Variants in PLEKHH1 observed in about 807,000 individuals in gnomAD.
PLEKHH1 encodes the protein pleckstrin homology domain-containing family H member 1.
Under a neutral mutation model 160.0 loss-of-function variants are expected in PLEKHH1, and 104 were observed. The observed-to-expected ratio is 0.65, with a 90% CI of 0.55 to 0.76. The LOEUF (loss-of-function observed/expected upper bound fraction) is 0.76. Among genes scored for constraint, PLEKHH1 ranks in the 30% least tolerant of loss-of-function variants. The pLI, the probability that PLEKHH1 is intolerant of heterozygous loss-of-function variation, is 0.00. For missense variants in PLEKHH1, 1,427 were observed against 1,724.1 expected (o/e 0.83, Z 3.05); for synonymous variants, 619 against 678.4 (o/e 0.91, Z 1.36).
In PLEKHH1 at chr14:67,573,204, C is replaced by G; in HGVS notation, c.1729-72C>G. ...ACCGAGTAGTGAGGCAGCTGGACCA[C>G]TTGGACCTGTGTGATGTCTAGGAGC... On this transcript the variant is annotated intron_variant, in intron 11 of 28. Transcript: ENST00000329153. This position sits in a 1 kb window ranked among gnomAD's most constrained non-coding sequence, Gnocchi z 4.8. 2 of 929,868 alleles carry G rather than the reference C, an allele frequency of 2.2e-6. No homozygotes were observed. The highest frequency in any genetic ancestry group is 4.8e-5 in the East Asian group (2 of 41,672). 57.6% of individuals were successfully genotyped at this position (929,868 alleles called of 1,614,324 possible).
rs938250621 is a variant in PLEKHH1, at chr14:67,575,326, G to C, written c.2089-66G>C. 4.3e-6 allele frequency: 4 copies of C among 940,876 alleles called. No homozygotes were observed. In the African/African-American group the frequency reaches 6.6e-5, roughly 15 times the overall value. The allele number at this position is 940,876 out of a possible 1,614,324, so 58.3% of individuals were successfully genotyped here. ...ATCTGTCTCCCTGTGGCTTCTATTTGCCAGTCCTGGATTTACTTCTAGAGT... is the reference window on the plus strand; with the variant it reads ...ATCTGTCTCCCTGTGGCTTCTATTTCCCAGTCCTGGATTTACTTCTAGAGT... On this transcript the variant is annotated intron_variant, in intron 14 of 28. Transcript: ENST00000329153.
chr14:67,575,695 T>C (rs1380485176), intron 15 of PLEKHH1, 128 bp from the exon 16 acceptor site: 4 of 770,216 alleles, frequency 5.2e-6, no homozygotes, highest in East Asian at 5.4e-5. Flanking sequence ...TGCTATAGTC[T>C]CCACCTCCCC....
chr14:67,585,147 GT>G (rs1338405926), intron 26 of PLEKHH1: 1 of 163,138 alleles, frequency 6.1e-6, no homozygotes, highest in African/African-American at 2.4e-5. Context: ...ATTGGCTGAA[GT>G]CAGAAGCACT....
intron 7 of PLEKHH1, among the ~76,000 whole-genome samples, chr14:67,565,678 T>C (rs979847452): frequency 2.6e-5 from 4 of 152,132 alleles, no homozygotes; most frequent in Non-Finnish European, 5.9e-5. Flanking sequence ...TGTGTAGCAG[T>C]ACCATGGGGG....
chr14:67,533,978 G>A (rs1192575262), intron 1 of PLEKHH1, among the ~76,000 whole-genome samples: 1 of 152,018 alleles, frequency 6.6e-6, no homozygotes, highest in Non-Finnish European at 1.5e-5. Context: ...TCATCTGGAA[G>A]GAAACTCCTC....
chr14:67,559,159 T>G (rs573045679), intron 4 of PLEKHH1, among the ~76,000 whole-genome samples: 1 of 152,372 alleles, frequency 6.6e-6, no homozygotes. Context: ...TTTGACTACT[T>G]TGATGGAAAT....
At chr14:67,563,467 C>T (rs1296968180) in intron 7 of PLEKHH1, among the ~76,000 whole-genome samples, 1 of 152,018 alleles carries the variant, frequency 6.6e-6, no homozygotes, top group African/African-American at 2.4e-5. Flanking sequence ...GAGTTTCACT[C>T]TTACTGCCCA....
intron 1 of PLEKHH1, among the ~76,000 whole-genome samples, chr14:67,536,326 C>T (rs1288644404): frequency 1.3e-5 from 2 of 151,820 alleles, no homozygotes; most frequent in African/African-American, 4.9e-5. Flanking sequence ...TCCCCAGAAA[C>T]GGGACACAAA....
At position 67,562,261 on chromosome 14, in the gene PLEKHH1, T is replaced by C. The variant is rs756892473; in HGVS notation, c.630T>C (p.Gly210=). The change falls in exon 7 of 29, where the codon GGT becomes GGC. Residue 210 remains glycine, a synonymous_variant. Transcript: ENST00000329153. ...AGGACAGTGGCTCCCAGGCCCAGGG[T>C]CTGAAGGCAGCTGTGCTTGCACCTT... The part of the protein sequence containing the change: ...MGQDSGSQAQ[G]LKAAVLAPSP... 6.2e-7 allele frequency: 1 copy of C among 1,613,090 alleles called. No homozygotes were observed. The highest frequency in any genetic ancestry group is 1.1e-5 in the South Asian group (1 of 90,934).
Position 67,589,605 on chromosome 14 carries a change from G to A in PLEKHH1, c.*2370G>A. The A allele has an allele frequency of 1.0e-6, 1 of 986,122 alleles. No individual in the cohort carries two copies. The highest frequency in any genetic ancestry group is 1.2e-6 in the Non-Finnish European group (1 of 830,314). 61.1% of individuals were successfully genotyped at this position (986,122 alleles called of 1,614,324 possible). On this transcript the variant is annotated 3_prime_UTR_variant, in exon 29 of 29. Coordinates refer to ENST00000329153, the MANE Select transcript of PLEKHH1 (RefSeq NM_020715.3). ...AGCCCTGTACAGAACACAGGCACTA[G>A]GTTGACAGACTCGTCTTTTGTAGGA...
chr14:67,577,271 C>T (rs2140502390), intron 17 of PLEKHH1, 31 bp from the exon 18 acceptor site: 3 of 1,413,958 alleles, frequency 2.1e-6, no homozygotes, highest in Non-Finnish European at 2.0e-6. Context: ...GTAGTAACTG[C>T]CCTTGCTCTC....
intron 5 of PLEKHH1, among the ~76,000 whole-genome samples, chr14:67,560,746 T>TTTTG (rs1214336234): frequency 1.4e-5 from 2 of 139,826 alleles, no homozygotes; most frequent in African/African-American, 5.1e-5. Context: ...TTTTTTTTTT[T>TTTTG]TGAGACGGAG....
At chr14:67,555,219 G>A (rs561624841) in intron 2 of PLEKHH1, among the ~76,000 whole-genome samples, 19 of 152,308 alleles carry the variant, frequency 1.2e-4, no homozygotes, top group East Asian at 3.9e-4. Flanking sequence ...TGACCAGCTC[G>A]CAAGATAGAA....
At chr14:67,571,473 G>A (rs979797406) in intron 9 of PLEKHH1, 27 of 364,110 alleles carry the variant, frequency 7.4e-5, no homozygotes, top group African/African-American at 5.2e-4. Context: ...CCCCCTAGTG[G>A]CAAGGAGCGA....
At chr14:67,585,339 T>G in intron 26 of PLEKHH1, 13 of 515,448 alleles carry the variant, frequency 2.5e-5, no homozygotes, top group East Asian at 7.1e-5. Flanking sequence ...CCTCTGCCTT[T>G]GAGATGGTTA....
intron 1 of PLEKHH1, 126 bp from the exon 2 acceptor site, chr14:67,541,708 C>T (rs2033970596): frequency 1.6e-6 from 1 of 607,992 alleles, no homozygotes; most frequent in Non-Finnish European, 2.7e-6. Context: ...AATTCTCTTC[C>T]CCAGCCCTGT....
At position 67,555,689 on chromosome 14, in the gene PLEKHH1, C is replaced by T. The variant is rs545723995; in HGVS notation, c.127-136C>T. ...TGCCTTGAAAATCCTTACCCTGACA[C>T]TCTCGAGCCACTTGAGATGGGCACT... On this transcript the variant is annotated intron_variant, in intron 2 of 28. Transcript: ENST00000329153. 9.4e-5 allele frequency: 121 copies of T among 1,286,006 alleles called. No homozygotes were observed. In the East Asian group the frequency reaches 3.1e-3, roughly 33 times the overall value. The allele number at this position is 1,286,006 out of a possible 1,614,324, so 79.7% of individuals were successfully genotyped here.
chr14:67,562,959 C>T (rs1275761405), intron 7 of PLEKHH1, 65 bp downstream of exon 7: 4 of 1,481,124 alleles, frequency 2.7e-6, no homozygotes, highest in East Asian at 4.6e-5. Context: ...GCTGGCTGAG[C>T]ACAGCCATGC....
At chr14:67,572,008 C>T (rs1437124873) in intron 10 of PLEKHH1, 106 bp downstream of exon 10, 1 of 1,480,908 alleles carries the variant, frequency 6.8e-7, no homozygotes, top group African/African-American at 1.4e-5. Flanking sequence ...GCTCGTGACC[C>T]CCCAGCAGCT....
Sources: allele counts gnomAD v4.1 joint callset (sites outside exome capture counted in the v4.1 genomes callset), GRCh38; gene constraint gnomAD v4.1.1; non-coding constraint Gnocchi (gnomAD v3.1); transcripts MANE v1.5; gene names NCBI Gene and HGNC (gene_info 2026-07-23, HGNC 2026-07-21).